Variants in ARHGAP15 observed in about 807,000 individuals in gnomAD.
ARHGAP15 encodes the protein Rho GTPase activating protein 15, also known as rho GTPase-activating protein 15.
In ARHGAP15, 51 loss-of-function variants were observed where a neutral mutation model predicts 63.7. The observed-to-expected ratio is 0.80, with a 90% CI of 0.64 to 1.01. The LOEUF is 1.01. ARHGAP15 is among the 50% of genes least tolerant of loss of function. The pLI is 0.00. For missense variants in ARHGAP15, 560 were observed against 564.6 expected, an observed-to-expected ratio of 0.99 and a Z score of 0.08; for synonymous variants, 191 against 193.8, an observed-to-expected ratio of 0.99 and a Z score of 0.12.
At chr2:143,217,995 C>T (rs550820448) in intron 4 of ARHGAP15, among the ~76,000 whole-genome samples, 1 of 151,970 alleles carries the variant, frequency 6.6e-6, no homozygotes, top group Admixed American at 6.6e-5. Flanking sequence ...GTCCATAACC[C>T]CTCTGTAAAC....
intron 10 of ARHGAP15, among the ~76,000 whole-genome samples, chr2:143,539,833 G>A (rs1694962569): frequency 6.6e-6 from 1 of 151,990 alleles, no homozygotes; most frequent in Non-Finnish European, 1.5e-5. Flanking sequence ...GAGTGGTGTG[G>A]TGCTGAAAAG....
intron 9 of ARHGAP15, among the ~76,000 whole-genome samples, chr2:143,488,452 C>A (rs1375068977): frequency 6.6e-6 from 1 of 152,030 alleles, no homozygotes; most frequent in Admixed American, 6.5e-5. Flanking sequence ...TTTTTAAAAA[C>A]AAGAAAACAT....
chr2:143,273,986 T>A (rs184554161), intron 6 of ARHGAP15, among the ~76,000 whole-genome samples: 17 of 152,324 alleles, frequency 1.1e-4, no homozygotes, highest in African/African-American at 4.1e-4. Flanking sequence ...ATATCTGAAT[T>A]TGATACATGA....
intron 13 of ARHGAP15, chr2:143,703,741 C>T (rs1405783567): frequency 9.0e-6 from 4 of 442,480 alleles, no homozygotes; most frequent in Non-Finnish European, 1.2e-5. Context: ...TTTTCAAGGC[C>T]CTTTCAACTA....
intron 8 of ARHGAP15, among the ~76,000 whole-genome samples, chr2:143,454,220 G>C (rs1690542037): frequency 1.3e-5 from 2 of 151,968 alleles, no homozygotes; most frequent in South Asian, 4.1e-4. Flanking sequence ...TTATGGGCTT[G>C]TCAAGAAAGG....
intron 12 of ARHGAP15, among the ~76,000 whole-genome samples, chr2:143,634,403 AC>A (rs1296895395): frequency 6.6e-6 from 1 of 152,100 alleles, no homozygotes; most frequent in Non-Finnish European, 1.5e-5. Context: ...CTCCATTTCC[AC>A]ATTTATAAAA....
At chr2:143,339,771 A>T (rs1456257344) in intron 6 of ARHGAP15, among the ~76,000 whole-genome samples, 1 of 152,206 alleles carries the variant, frequency 6.6e-6, no homozygotes, top group Non-Finnish European at 1.5e-5. Flanking sequence ...ATGTGTGTTC[A>T]CATAAAATAG....
intron 6 of ARHGAP15, among the ~76,000 whole-genome samples, chr2:143,278,612 T>G (rs1681685317): frequency 6.6e-6 from 1 of 152,182 alleles, no homozygotes; most frequent in Non-Finnish European, 1.5e-5. Flanking sequence ...TGCAGGGTTT[T>G]TTTCCATTCC....
chr2:143,225,532 C>T (rs772711774), intron 4 of ARHGAP15, among the ~76,000 whole-genome samples: 17 of 152,110 alleles, frequency 1.1e-4, no homozygotes, highest in Non-Finnish European at 2.2e-4. Context: ...ACCCAGGAGG[C>T]GGAGATTTCA....
chr2:143,501,698 G>A (rs919791645), intron 9 of ARHGAP15, among the ~76,000 whole-genome samples: 1 of 152,144 alleles, frequency 6.6e-6, no homozygotes, highest in African/African-American at 2.4e-5. Flanking sequence ...AATAACATTG[G>A]TTAGAAATAT....
chr2:143,720,257 G>A (rs1684989583), intron 13 of ARHGAP15, among the ~76,000 whole-genome samples: 1 of 152,186 alleles, frequency 6.6e-6, no homozygotes, highest in Admixed American at 6.5e-5. Flanking sequence ...TTTAGTATAA[G>A]AAGTGAACAA....
chr2:143,503,998 AT>A (rs1226607536), intron 9 of ARHGAP15, among the ~76,000 whole-genome samples: 1 of 152,212 alleles, frequency 6.6e-6, no homozygotes, highest in Non-Finnish European at 1.5e-5. Flanking sequence ...GAAATTACAC[AT>A]GGAAAAGTGT....
At chr2:143,567,950 G>C (rs1241973348) in intron 11 of ARHGAP15, among the ~76,000 whole-genome samples, 1 of 152,152 alleles carries the variant, frequency 6.6e-6, no homozygotes, top group African/African-American at 2.4e-5. Context: ...TAAATGCTGG[G>C]AAAACTGGCT....
chr2:143,551,197 G>GA (rs1446971978), intron 10 of ARHGAP15, among the ~76,000 whole-genome samples: 12 of 152,160 alleles, frequency 7.9e-5, no homozygotes, highest in Non-Finnish European at 5.9e-5. Context: ...GTCCACCCAG[G>GA]CTGGAGTGCA....
chr2:143,183,383 A>T, intron 2 of ARHGAP15, among the ~76,000 whole-genome samples: 1 of 152,344 alleles, frequency 6.6e-6, no homozygotes, highest in Non-Finnish European at 1.5e-5. Context: ...TGTTGAAATT[A>T]TAGAGACTTA....
chr2:143,398,695 C>G (rs532648943), intron 6 of ARHGAP15, among the ~76,000 whole-genome samples: 4 of 152,124 alleles, frequency 2.6e-5, no homozygotes, highest in African/African-American at 9.6e-5. Context: ...GAGAAGCATC[C>G]CTCTCATTGC....
intron 12 of ARHGAP15, among the ~76,000 whole-genome samples, chr2:143,651,465 T>TA (rs1164492057): frequency 2.6e-5 from 4 of 152,030 alleles, no homozygotes; most frequent in African/African-American, 9.7e-5. Context: ...CTTATGATTT[T>TA]ATTTACTTGT....
intron 6 of ARHGAP15, among the ~76,000 whole-genome samples, chr2:143,431,440 C>A (rs1689385135): frequency 6.6e-6 from 1 of 152,036 alleles, no homozygotes; most frequent in Non-Finnish European, 1.5e-5. Flanking sequence ...GCTTTGAGAT[C>A]ATTAAAGCTG....
intron 5 of ARHGAP15, among the ~76,000 whole-genome samples, chr2:143,243,433 T>G (rs1485152080): frequency 2.0e-5 from 3 of 152,160 alleles, no homozygotes; most frequent in Non-Finnish European, 4.4e-5. Flanking sequence ...TAATTCTATT[T>G]AAGTATTTTA....
Sources: gnomAD v4.1 joint callset for allele counts (sites outside exome capture counted in the v4.1 genomes callset) on GRCh38, gnomAD v4.1.1 for gene constraint, MANE v1.5 for transcripts, NCBI Gene and HGNC (gene_info 2026-07-23, HGNC 2026-07-21) for gene names.